Variants in ABLIM2 observed in about 807,000 individuals in gnomAD.
The protein encoded by ABLIM2 is actin binding LIM protein family member 2, also known as actin-binding LIM protein 2.
Under a neutral mutation model 97.7 loss-of-function variants are expected in ABLIM2, and 53 were observed. The ratio of observed to expected loss-of-function variants is 0.54; its 90% CI spans 0.44 to 0.68. The LOEUF (loss-of-function observed/expected upper bound fraction) is 0.68, where lower values mean the gene tolerates loss of function less well. Among genes scored for constraint, ABLIM2 ranks in the 30% least tolerant of loss-of-function variants. The probability of loss-of-function intolerance (pLI) is 0.00; values close to 1 mark genes in which losing one functional copy is unlikely to be tolerated. For synonymous variants in ABLIM2, 361 were observed against 345.8 expected, an observed-to-expected ratio of 1.04 and a Z score of -0.49; for missense variants, 835 against 867.2, an observed-to-expected ratio of 0.96 and a Z score of 0.47.
intron 7 of ABLIM2, among the ~76,000 whole-genome samples, chr4:8,055,177 A>T (rs556011856): frequency 9.8e-5 from 15 of 152,298 alleles, no homozygotes; most frequent in Admixed American, 9.1e-4. Context: ...GCTGCATACA[A>T]ATGTTAGTTG....
At position 8,071,524 on chromosome 4, in the gene ABLIM2, G is replaced by A. The variant is rs965089179; in HGVS notation, c.675+6104C>T. ...TAGGATGGCACCATGCCCACCACAC[G>A]CAGACACAGCACAGGCGAGGGCTCG... On this transcript the variant is annotated intron_variant, in intron 6 of 20. Coordinates refer to ENST00000447017, the MANE Select transcript of ABLIM2 (RefSeq NM_001130083.2). This position sits in a 1 kb window ranked among gnomAD's most constrained non-coding sequence, Gnocchi z 6.2. 6.6e-6 allele frequency among the ~76,000 whole-genome samples: 1 copy of A among 152,188 alleles called. No individual in the cohort carries two copies. The highest frequency in any genetic ancestry group is 1.5e-5 in the Non-Finnish European group (1 of 68,020).
chr4:8,062,682 G>A (rs1014585873), intron 6 of ABLIM2, among the ~76,000 whole-genome samples: 13 of 151,964 alleles, frequency 8.6e-5, no homozygotes, highest in African/African-American at 1.7e-4. Flanking sequence ...CTCGTGATCC[G>A]CCCGCCTCAG....
intron 14 of ABLIM2, among the ~76,000 whole-genome samples, chr4:8,010,276 C>G (rs959784470): frequency 2.0e-5 from 3 of 152,230 alleles, no homozygotes; most frequent in African/African-American, 7.2e-5. Flanking sequence ...CATTTCTCGG[C>G]ATCCAACTTA....
chr4:8,077,885 A>C lies in ABLIM2; in HGVS notation c.582-164T>G, dbSNP rs80167311. Among the ~76,000 whole-genome samples the C allele has an allele frequency of 1.8e-4, 27 of 152,354 alleles. No homozygotes were observed. In the East Asian group the frequency reaches 4.8e-3, roughly 27 times the overall value. On this transcript the variant is annotated intron_variant, in intron 5 of 20. Transcript: ENST00000447017. ...ACAGGCAGTGTCATTGGGCTCTCACAGACACCAGCCCCATGAGAAATATGA... is the reference window on the plus strand; with the variant it reads ...ACAGGCAGTGTCATTGGGCTCTCACCGACACCAGCCCCATGAGAAATATGA...
chr4:8,093,487 T>C (rs927319325), intron 3 of ABLIM2, among the ~76,000 whole-genome samples: 2 of 152,232 alleles, frequency 1.3e-5, no homozygotes, highest in African/African-American at 2.4e-5. Flanking sequence ...TCACATACAA[T>C]GTAATGTACA....
rs550164072 is a variant in ABLIM2, at chr4:8,006,878, G to A, written c.1618+1181C>T. The A allele has an allele frequency of 8.0e-3, 2,043 of 256,778 alleles. 15 individuals are homozygous for A. Among genetic ancestry groups the A allele is most frequent in the Non-Finnish European group, 0.01 (1,855 of 177,404 alleles). 15.9% of individuals were successfully genotyped at this position (256,778 alleles called of 1,614,324 possible). ...CCTCTCCCTCTGGGGGATTTTTGCA[G>A]GGGGGGGGTGGCTTTCCCATGGTGA... On this transcript the variant is annotated intron_variant, in intron 16 of 20. Coordinates refer to ENST00000447017, the MANE Select transcript of ABLIM2 (RefSeq NM_001130083.2).
chr4:7,983,960 C>A (rs1005396110), intron 18 of ABLIM2, among the ~76,000 whole-genome samples: 2 of 152,238 alleles, frequency 1.3e-5, no homozygotes, highest in Non-Finnish European at 2.9e-5. Flanking sequence ...ATGTTCTGAG[C>A]CTCTCCCATC....
intron 6 of ABLIM2, among the ~76,000 whole-genome samples, chr4:8,062,576 C>G (rs918896380): frequency 6.6e-6 from 1 of 151,970 alleles, no homozygotes; most frequent in African/African-American, 2.4e-5. Context: ...GTAGCTGGGA[C>G]TACAGACCCC....
intron 8 of ABLIM2, among the ~76,000 whole-genome samples, chr4:8,052,157 G>C (rs374912586): frequency 6.6e-5 from 10 of 152,264 alleles, no homozygotes; most frequent in African/African-American, 2.4e-4. Context: ...TCCACTCATC[G>C]GAGCCACATC....
At chr4:8,026,862 G>A in intron 12 of ABLIM2, among the ~76,000 whole-genome samples, 1 of 151,788 alleles carries the variant, frequency 6.6e-6, no homozygotes, top group South Asian at 2.1e-4. Flanking sequence ...GAGTGTGTGT[G>A]TCTGCAGTGG....
chr4:8,012,012 C>T (rs1274578634), intron 14 of ABLIM2, among the ~76,000 whole-genome samples: 2 of 152,170 alleles, frequency 1.3e-5, no homozygotes, highest in South Asian at 2.1e-4. Flanking sequence ...ACCTACTTAT[C>T]CATGCACCCA....
Position 8,095,373 on chromosome 4 carries a change from G to A in ABLIM2, c.338+1726C>T, listed in dbSNP as rs112203034. On this transcript the variant is annotated intron_variant, in intron 3 of 20. Transcript: ENST00000447017. This position sits in a 1 kb window ranked among gnomAD's most constrained non-coding sequence, Gnocchi z 4.7. ...CGCACCTCGGCCTCCCAAAGTGGAG[G>A]GATTATAGGCATGAGCTGCTGTGCC... Among the ~76,000 whole-genome samples, 362 of 152,224 alleles carry A rather than the reference G, an allele frequency of 2.4e-3. 3 individuals carry two copies. The highest frequency in any genetic ancestry group is 8.4e-3 in the African/African-American group (348 of 41,522).
intron 17 of ABLIM2, among the ~76,000 whole-genome samples, chr4:7,985,594 G>A (rs544781571): frequency 1.3e-5 from 2 of 152,308 alleles, no homozygotes; most frequent in Admixed American, 1.3e-4. Flanking sequence ...GGTACTCACG[G>A]CAGCTCTGCG....
intron 1 of ABLIM2, among the ~76,000 whole-genome samples, chr4:8,135,066 A>G (rs1443005119): frequency 1.3e-5 from 2 of 152,184 alleles, no homozygotes; most frequent in African/African-American, 2.4e-5. Context: ...GAAGAAACAG[A>G]CCAGTCCTGA....
rs934176750 is a variant in ABLIM2, at chr4:8,082,794, C to G, written c.455-1992G>C. On this transcript the variant is annotated intron_variant, in intron 4 of 20. Transcript: ENST00000447017. This position sits in a 1 kb window ranked among gnomAD's most constrained non-coding sequence, Gnocchi z 5.6. ...AAAGTGAGAGGATGCCTCCGCCCTTCTCAAGTCCAGGAGGCGACCCCCACA... is the reference window on the plus strand; with the variant it reads ...AAAGTGAGAGGATGCCTCCGCCCTTGTCAAGTCCAGGAGGCGACCCCCACA... Among the ~76,000 whole-genome samples the G allele has an allele frequency of 6.6e-6, 1 of 152,212 alleles. No homozygotes were observed. Among genetic ancestry groups the G allele is most frequent in the Non-Finnish European group, 1.5e-5 (1 of 68,036 alleles).
intron 16 of ABLIM2, among the ~76,000 whole-genome samples, chr4:7,995,777 A>T (rs1490801944): frequency 6.6e-6 from 1 of 152,142 alleles, no homozygotes; most frequent in African/African-American, 2.4e-5. Context: ...GCAAACGAGG[A>T]GCTGGGAAGA....
chr4:8,096,438 T>C (rs1320067), intron 3 of ABLIM2, among the ~76,000 whole-genome samples: 79,734 of 152,074 alleles, frequency 0.52, 23,899 homozygotes, highest in African/African-American at 0.79. Flanking sequence ...GAGGTCTGAC[T>C]CAGGTCACGC....
intron 7 of ABLIM2, among the ~76,000 whole-genome samples, chr4:8,059,951 T>G (rs1801905158): frequency 1.3e-5 from 2 of 150,198 alleles, no homozygotes; most frequent in African/African-American, 4.9e-5. Context: ...CAAAGCTGCC[T>G]CTTGGAGATC....
At chr4:8,096,580 C>T (rs1307317701) in intron 3 of ABLIM2, among the ~76,000 whole-genome samples, 1 of 152,250 alleles carries the variant, frequency 6.6e-6, no homozygotes, top group African/African-American at 2.4e-5. Context: ...GCTTTGGAAA[C>T]AACATTGAAA....
Sources: allele counts gnomAD v4.1 joint callset (sites outside exome capture counted in the v4.1 genomes callset), GRCh38; gene constraint gnomAD v4.1.1; non-coding constraint Gnocchi (gnomAD v3.1); transcripts MANE v1.5; gene names NCBI Gene and HGNC (gene_info 2026-07-23, HGNC 2026-07-21).